The following PLEKHA7 variants were observed in gnomAD, a reference collection of about 807,000 sequenced individuals.
PLEKHA7 encodes pleckstrin homology domain-containing family A member 7.
PLEKHA7 carries 104 observed loss-of-function variants against 170.0 expected under a neutral mutation model. The ratio of observed to expected loss-of-function variants is 0.61; its 90% confidence interval spans 0.52 to 0.72. The LOEUF is 0.72. PLEKHA7 is among the 30% of genes least tolerant of loss of function. PLEKHA7 has a pLI of 0.00. For missense variants in PLEKHA7, 1,615 were observed against 1,671.7 expected (o/e 0.97, Z 0.59); for synonymous variants, 648 against 660.8 (o/e 0.98, Z 0.30).
chr11:16,976,142 C>A (rs1037070582), intron 3 of PLEKHA7, among the ~76,000 whole-genome samples: 1 of 152,230 alleles, frequency 6.6e-6, no homozygotes, highest in Non-Finnish European at 1.5e-5. Context: ...AAAAAGAAAG[C>A]CCCTGGAATT....
chr11:16,782,757 C>T lies in PLEKHA7; in HGVS notation c.3790G>A (p.Ala1264Thr), dbSNP rs61743009. ...SEASQRSKQV[A>T]AQAVTDP ...GGGGGCTGGGCCATGGCCTTACCTG[C>T]CACCTGCTTGCTACGCTGGGAGGCC... The change falls in exon 26 of 27, where the codon GCA (alanine) becomes ACA (threonine). Residue 1264 changes from alanine to threonine, a missense_variant. Coordinates refer to ENST00000531066, the MANE Select transcript of PLEKHA7 (RefSeq NM_001329630.2). 3.4e-4 allele frequency: 516 copies of T among 1,536,038 alleles called. 3 individuals are homozygous for T. The Middle Eastern group carries it at 5.7e-3, about 17-fold the overall frequency.
At position 16,828,586 on chromosome 11, in the gene PLEKHA7, T is replaced by C. The variant is rs59930806; in HGVS notation, c.873-1996A>G. Among the ~76,000 whole-genome samples, 265 of 152,244 alleles carry C rather than the reference T, an allele frequency of 1.7e-3. 4 individuals are homozygous for C. Among genetic ancestry groups the C allele is most frequent in the African/African-American group, 6.1e-3 (254 of 41,506 alleles). On this transcript the variant is annotated intron_variant, in intron 9 of 26. Coordinates refer to ENST00000531066, the MANE Select transcript of PLEKHA7 (RefSeq NM_001329630.2). Reference sequence around the variant, plus strand: ...TCTTTTCCATGGAAACCCCAAGCTTTGTGGAAAAAAATAATGCATCTTTGG... The same window carrying C: ...TCTTTTCCATGGAAACCCCAAGCTTCGTGGAAAAAAATAATGCATCTTTGG...
At chr11:16,947,355 G>A (rs1316315954) in intron 3 of PLEKHA7, among the ~76,000 whole-genome samples, 1 of 150,930 alleles carries the variant, frequency 6.6e-6, no homozygotes, top group African/African-American at 2.4e-5. Flanking sequence ...CTTTGGGAGG[G>A]CAAGGCGGGC....
chr11:16,921,098 TTTG>T lies in PLEKHA7; in HGVS notation c.222-49919_222-49917del, dbSNP rs879280200. Among the ~76,000 whole-genome samples the T allele has an allele frequency of 5.0e-4, 76 of 152,342 alleles. 1 individual carries two copies. In the East Asian group the frequency reaches 5.4e-3, roughly 11 times the overall value. Reference sequence around the variant, plus strand: ...AGCCCTTATTTTCGCAGGGCGTTTTTTTGTTGTTGTTGTTCCTTTTACATTTTT... The same window carrying T: ...AGCCCTTATTTTCGCAGGGCGTTTTTTTGTTGTTGTTCCTTTTACATTTTT... On this transcript the variant is annotated intron_variant, in intron 3 of 26. Transcript: ENST00000531066.
intron 3 of PLEKHA7, among the ~76,000 whole-genome samples, chr11:16,927,232 T>C (rs1020767787): frequency 6.6e-5 from 10 of 152,234 alleles, no homozygotes; most frequent in African/African-American, 2.4e-4. Context: ...TTTCTCCATA[T>C]ATTTTTTTAA....
At chr11:16,969,906 T>G (rs1372047180) in intron 3 of PLEKHA7, among the ~76,000 whole-genome samples, 1 of 152,190 alleles carries the variant, frequency 6.6e-6, no homozygotes, top group Non-Finnish European at 1.5e-5. Flanking sequence ...CCTGAAGAGC[T>G]TACTAGTACA....
At chr11:16,872,167 C>T (rs1854913274) in intron 3 of PLEKHA7, among the ~76,000 whole-genome samples, 1 of 151,912 alleles carries the variant, frequency 6.6e-6, no homozygotes, top group Non-Finnish European at 1.5e-5. Context: ...TGGGCTTTCC[C>T]CATGTTGGCC....
intron 3 of PLEKHA7, among the ~76,000 whole-genome samples, chr11:17,011,016 G>T (rs963874683): frequency 2.0e-5 from 3 of 152,210 alleles, no homozygotes; most frequent in African/African-American, 7.2e-5. Flanking sequence ...TTCTAGGCCT[G>T]GGAGGAGTCA....
intron 3 of PLEKHA7, among the ~76,000 whole-genome samples, chr11:16,886,164 G>A (rs1856086081): frequency 1.3e-5 from 2 of 152,070 alleles, no homozygotes; most frequent in Non-Finnish European, 2.9e-5. Flanking sequence ...CACCCAAAGA[G>A]GCCACTGGCA....
intron 26 of PLEKHA7, chr11:16,780,909 G>T: frequency 1.2e-6 from 1 of 838,892 alleles, no homozygotes; most frequent in Non-Finnish European, 1.4e-6. Context: ...GGTGCAGGAA[G>T]CAGGCAGAAG....
chr11:16,972,942 C>T (rs567487712), intron 3 of PLEKHA7, among the ~76,000 whole-genome samples: 1 of 152,306 alleles, frequency 6.6e-6, no homozygotes, highest in South Asian at 2.1e-4. Flanking sequence ...CCAGAAAATC[C>T]ATTGGCCTAG....
chr11:16,817,343 C>T lies in PLEKHA7; in HGVS notation c.1344-21G>A, dbSNP rs767864328. 14 of 1,582,640 alleles carry T rather than the reference C, an allele frequency of 8.8e-6. No homozygotes were observed. The highest frequency in any genetic ancestry group is 3.4e-5 in the South Asian group (3 of 88,342). ...GAAGACTGAGGAGAAAGGGTAAGAACGGGTCAGGCAACCAAGCGAGGGTTC... is the reference window on the plus strand; with the variant it reads ...GAAGACTGAGGAGAAAGGGTAAGAATGGGTCAGGCAACCAAGCGAGGGTTC... On this transcript the variant is annotated intron_variant, in intron 10 of 26. Coordinates refer to ENST00000531066, the MANE Select transcript of PLEKHA7 (RefSeq NM_001329630.2). This position sits in a 1 kb window ranked among gnomAD's most constrained non-coding sequence, Gnocchi z 4.4.
intron 3 of PLEKHA7, among the ~76,000 whole-genome samples, chr11:17,011,834 T>A (rs1865338088): frequency 6.6e-6 from 1 of 152,212 alleles, no homozygotes. Context: ...AAATGTAAGA[T>A]GGCAAAACAA....
In PLEKHA7 at chr11:16,789,041, T is replaced by C; in HGVS notation, c.3357+55A>G. 2.6e-6 allele frequency: 4 copies of C among 1,562,824 alleles called. No homozygotes were observed. Among genetic ancestry groups the C allele is most frequent in the Non-Finnish European group, 3.4e-6 (4 of 1,160,474 alleles). On this transcript the variant is annotated intron_variant, in intron 23 of 26. Coordinates refer to ENST00000531066, the MANE Select transcript of PLEKHA7 (RefSeq NM_001329630.2). This position sits in a 1 kb window ranked among gnomAD's most constrained non-coding sequence, Gnocchi z 4.6. Reference sequence around the variant, plus strand: ...TGATGTGCTTGTGTTTGGGGGACTCTGAGGGGCACTCGGCTCCCTGTCCCT... The same window carrying C: ...TGATGTGCTTGTGTTTGGGGGACTCCGAGGGGCACTCGGCTCCCTGTCCCT...
intron 3 of PLEKHA7, among the ~76,000 whole-genome samples, chr11:16,990,396 T>C (rs1863977146): frequency 6.6e-6 from 1 of 151,306 alleles, no homozygotes; most frequent in Non-Finnish European, 1.5e-5. Context: ...CTCCACCTTA[T>C]ACAGCACTCG....
intron 4 of PLEKHA7, among the ~76,000 whole-genome samples, chr11:16,862,421 C>A (rs1176333592): frequency 6.6e-6 from 1 of 152,188 alleles, no homozygotes. Flanking sequence ...ATCTGCTCCT[C>A]CTAGCTTAAC....
intron 3 of PLEKHA7, among the ~76,000 whole-genome samples, chr11:16,934,777 AT>A (rs1860172572): frequency 6.6e-6 from 1 of 152,232 alleles, no homozygotes; most frequent in African/African-American, 2.4e-5. Flanking sequence ...AAATGTTCAG[AT>A]TCATGTAATT....
intron 3 of PLEKHA7, among the ~76,000 whole-genome samples, chr11:16,908,598 C>T (rs891364613): frequency 1.3e-5 from 2 of 151,630 alleles, no homozygotes; most frequent in Admixed American, 6.6e-5. Flanking sequence ...GGGGTTCAAG[C>T]GATTCTCCTG....
intron 3 of PLEKHA7, among the ~76,000 whole-genome samples, chr11:16,926,885 C>T (rs998110328): frequency 6.6e-6 from 1 of 152,178 alleles, no homozygotes; most frequent in Non-Finnish European, 1.5e-5. Flanking sequence ...CCATGGCTGT[C>T]CTACCTCTGC....
Sources: gnomAD v4.1 joint callset for allele counts (sites outside exome capture counted in the v4.1 genomes callset) on GRCh38, gnomAD v4.1.1 for gene constraint, Gnocchi (gnomAD v3.1) non-coding constraint, MANE v1.5 for transcripts, NCBI Gene and HGNC (gene_info 2026-07-23, HGNC 2026-07-21) for gene names.